Variants in HDGFL3 observed in about 807,000 individuals in gnomAD.
HDGFL3 encodes hepatoma-derived growth factor-related protein 3.
Under a neutral mutation model 27.6 loss-of-function variants are expected in HDGFL3, and 6 were observed. The ratio of observed to expected loss-of-function variants is 0.22; its 90% CI spans 0.12 to 0.43. HDGFL3 has a LOEUF of 0.43. Ranked by LOEUF, HDGFL3 falls within the 20% of genes least tolerant of loss-of-function variation. HDGFL3 has a pLI of 1.00. For synonymous variants in HDGFL3, 88 were observed against 88.9 expected, an observed-to-expected ratio of 0.99 and a Z score of 0.05; for missense variants, 207 against 250.1, an observed-to-expected ratio of 0.83 and a Z score of 1.16.
At chr15:83,125,082 A>C (rs567747943), downstream of HDGFL3, among the ~76,000 whole-genome samples, 32 of 152,256 alleles carry the variant, frequency 2.1e-4, no homozygotes, top group South Asian at 6.4e-3. Context: ...TTCTGATTTA[A>C]ATGTAAATAT....
Position 83,134,965 on chromosome 15 carries a change from C to G in HDGFL3, c.*4305G>C, listed in dbSNP as rs969132161. The G allele has an allele frequency of 4.6e-5, 7 of 152,210 alleles. No homozygotes were observed. Among genetic ancestry groups the G allele is most frequent in the Non-Finnish European group, 8.8e-5 (6 of 68,028 alleles). 9.4% of individuals were successfully genotyped at this position (152,210 alleles called of 1,614,324 possible). ...CTCTCAAGGCATTTTGTCCTCAGAG[C>G]CCAGAGATGCATATACATTTGCTGG... On this transcript the variant is annotated 3_prime_UTR_variant, in exon 6 of 6. Coordinates refer to ENST00000299633, the MANE Select transcript of HDGFL3 (RefSeq NM_016073.4).
In HDGFL3 at chr15:83,128,028, A is replaced by C. The variant is rs1420163216; in HGVS notation, c.*11242T>G. On this transcript the variant is annotated 3_prime_UTR_variant, in exon 6 of 6. Transcript: ENST00000299633. ...TAACTGAAAATGAAATTATCTATGG[A>C]GAACTTCACACATAACATAAAGCAC... The C allele has an allele frequency of 6.6e-6, 1 of 152,396 alleles. No individual in the cohort carries two copies. Among genetic ancestry groups the C allele is most frequent in the Admixed American group, 6.5e-5 (1 of 15,290 alleles). The allele number at this position is 152,396 out of a possible 1,614,324, so 9.4% of individuals were successfully genotyped here.
intron 1 of HDGFL3, among the ~76,000 whole-genome samples, chr15:83,179,005 C>G (rs2037348153): frequency 6.6e-6 from 1 of 152,158 alleles, no homozygotes; most frequent in Admixed American, 6.5e-5. Context: ...GACCCCTAGC[C>G]AAAAACCCTC....
At chr15:83,193,634 G>C (rs558786462) in intron 1 of HDGFL3, among the ~76,000 whole-genome samples, 3 of 152,146 alleles carry the variant, frequency 2.0e-5, no homozygotes, top group Admixed American at 1.3e-4. Flanking sequence ...GCAACTCTCC[G>C]TAGGACACAC....
chr15:83,168,241 C>T (rs2037197639), intron 1 of HDGFL3, among the ~76,000 whole-genome samples: 1 of 151,958 alleles, frequency 6.6e-6, no homozygotes, highest in South Asian at 2.1e-4. Context: ...ACATCTTCCC[C>T]GGAGGAACTA....
At chr15:83,140,809 A>C (rs957502382) in intron 5 of HDGFL3, among the ~76,000 whole-genome samples, 12 of 152,122 alleles carry the variant, frequency 7.9e-5, no homozygotes, top group Non-Finnish European at 7.4e-5. Flanking sequence ...ATGTTTTCTT[A>C]TTATTACTGT....
intron 2 of HDGFL3, among the ~76,000 whole-genome samples, chr15:83,159,515 G>T (rs1401191327): frequency 6.6e-6 from 1 of 152,112 alleles, no homozygotes; most frequent in Non-Finnish European, 1.5e-5. Flanking sequence ...GGCAGGGGTG[G>T]GGGTTTGGAC....
rs1307966042 is a variant in HDGFL3 at position 83,132,917 on chromosome 15, G to T, written c.*6353C>A. ...TTCATGGAGACACTCACAGTAAAAA[G>T]GTCAAAAGGTCAAGAGAATCTAAAA... On this transcript the variant is annotated 3_prime_UTR_variant, in exon 6 of 6. Transcript: ENST00000299633. The T allele has an allele frequency of 6.6e-6, 1 of 152,118 alleles. No individual in the cohort carries two copies. Among genetic ancestry groups the T allele is most frequent in the Non-Finnish European group, 1.5e-5 (1 of 68,024 alleles). 9.4% of individuals were successfully genotyped at this position (152,118 alleles called of 1,614,324 possible).
chr15:83,129,675 C>T lies in HDGFL3; in HGVS notation c.*9595G>A, dbSNP rs1165170931. On this transcript the variant is annotated 3_prime_UTR_variant, in exon 6 of 6. Transcript: ENST00000299633. ...AAACAATGAACTATGGCACAGAGTC[C>T]TACAGCACAAAAGACTGTATGTAGT... 2.0e-5 allele frequency: 3 copies of T among 152,204 alleles called. No homozygotes were observed. Among genetic ancestry groups the T allele is most frequent in the Non-Finnish European group, 4.4e-5 (3 of 68,046 alleles). 9.4% of individuals were successfully genotyped at this position (152,204 alleles called of 1,614,324 possible).
At chr15:83,167,032 T>C (rs1020629977) in intron 1 of HDGFL3, among the ~76,000 whole-genome samples, 10 of 152,056 alleles carry the variant, frequency 6.6e-5, no homozygotes, top group Non-Finnish European at 8.8e-5. Context: ...AATAGCAACA[T>C]TGAATGTAAA....
chr15:83,207,507 G>T lies in HDGFL3; in HGVS notation c.-93C>A. ...GCCGACGAATTGCGCCGCGCTCCCC[G>T]CGGGCCTCAAGCCGGGCGGACGAGC... On this transcript the variant is annotated 5_prime_UTR_variant, in exon 1 of 6. Coordinates refer to ENST00000299633, the MANE Select transcript of HDGFL3 (RefSeq NM_016073.4). This position sits in a 1 kb window ranked among gnomAD's most constrained non-coding sequence, Gnocchi z 4.8. 9.7e-7 allele frequency: 1 copy of T among 1,028,300 alleles called. No individual in the cohort carries two copies. Among genetic ancestry groups the T allele is most frequent in the Middle Eastern group, 3.4e-4 (1 of 2,928 alleles). The allele number at this position is 1,028,300 out of a possible 1,614,324, so 63.7% of individuals were successfully genotyped here.
intron 2 of HDGFL3, among the ~76,000 whole-genome samples, chr15:83,159,382 A>C (rs994011732): frequency 1.3e-5 from 2 of 152,296 alleles, no homozygotes; most frequent in African/African-American, 4.8e-5. Flanking sequence ...AGATTCACAC[A>C]TTCCTTCATT....
chr15:83,136,730 A>G lies in HDGFL3; in HGVS notation c.*2540T>C. ...ACTAACTTTTGTTATACTGGTACTGATATTTTGTCCCATTTCACTCTCTTC... is the reference window on the plus strand; with the variant it reads ...ACTAACTTTTGTTATACTGGTACTGGTATTTTGTCCCATTTCACTCTCTTC... On this transcript the variant is annotated 3_prime_UTR_variant, in exon 6 of 6. Coordinates refer to ENST00000299633, the MANE Select transcript of HDGFL3 (RefSeq NM_016073.4). The G allele has an allele frequency of 3.5e-6, 5 of 1,434,034 alleles. No individual in the cohort carries two copies. Among genetic ancestry groups the G allele is most frequent in the South Asian group, 2.7e-5 (2 of 74,604 alleles). 88.8% of individuals were successfully genotyped at this position (1,434,034 alleles called of 1,614,324 possible). A position where few individuals can be genotyped will look rare whatever the true frequency, so the allele number is the denominator to read the frequency against.
intron 1 of HDGFL3, among the ~76,000 whole-genome samples, chr15:83,206,912 G>A (rs1219954415): frequency 6.6e-6 from 1 of 152,140 alleles, no homozygotes; most frequent in African/African-American, 2.4e-5. Context: ...GCACTCGCCG[G>A]CTCGCGGACA....
At chr15:83,177,594 C>G (rs1368661848) in intron 1 of HDGFL3, among the ~76,000 whole-genome samples, 1 of 152,168 alleles carries the variant, frequency 6.6e-6, no homozygotes, top group African/African-American at 2.4e-5. Context: ...TAGTTAGCTT[C>G]AAGACCCTAC....
chr15:83,157,655 C>T, intron 3 of HDGFL3, 82 bp from the exon 4 acceptor site: 6 of 1,326,278 alleles, frequency 4.5e-6, no homozygotes, highest in Non-Finnish European at 6.3e-6. Context: ...ACTCTGTTTT[C>T]ATTTGAAAGG....
chr15:83,169,116 C>A, intron 1 of HDGFL3: 2 of 304,948 alleles, frequency 6.6e-6, no homozygotes, highest in East Asian at 1.1e-4. Context: ...AGGAACATAT[C>A]TCAAAATAAG....
rs897648128 is a variant in HDGFL3, at chr15:83,116,114, C to T, written c.394-373G>A. Among the ~76,000 whole-genome samples, 9 of 152,332 alleles carry T rather than the reference C, an allele frequency of 5.9e-5. No individual in the cohort carries two copies. In the South Asian group the frequency reaches 6.2e-4, roughly 11 times the overall value. ...CACATGGAAAGTGGAGCAGAAAGGA[C>T]GGTTAGATCACGAGAGGCAATTCTC... is the stretch of plus-strand genomic sequence containing the variant. On this transcript the variant is annotated intron_variant, in intron 3 of 3. Coordinates refer to the HDGFL3 transcript ENST00000568294.
chr15:83,146,721 T>C (rs1242068161), intron 5 of HDGFL3, among the ~76,000 whole-genome samples: 1 of 152,230 alleles, frequency 6.6e-6, no homozygotes, highest in Non-Finnish European at 1.5e-5. Flanking sequence ...ACAACCATTG[T>C]GACCCCTCTC....
Sources: gnomAD v4.1 joint callset for allele counts (sites outside exome capture counted in the v4.1 genomes callset) on GRCh38, gnomAD v4.1.1 for gene constraint, Gnocchi (gnomAD v3.1) non-coding constraint, MANE v1.5 for transcripts, NCBI Gene and HGNC (gene_info 2026-07-23, HGNC 2026-07-21) for gene names.